Variants in HEATR5B observed in about 807,000 individuals in gnomAD.
The protein encoded by HEATR5B is HEAT repeat-containing protein 5B.
Under a neutral mutation model 224.1 loss-of-function variants are expected in HEATR5B, and 156 were observed. The ratio of observed to expected loss-of-function variants is 0.70; its 90% CI spans 0.61 to 0.80. The LOEUF (loss-of-function observed/expected upper bound fraction) is 0.80, where lower values mean the gene tolerates loss of function less well. Among genes scored for constraint, HEATR5B ranks in the 30% least tolerant of loss-of-function variants. The pLI is 0.00. For synonymous variants in HEATR5B, 1,027 were observed against 893.0 expected (o/e 1.15, Z -2.68); for missense variants, 2,323 against 2,535.5 (o/e 0.92, Z 1.80).
chr2:37,019,809 C>T lies in HEATR5B; in HGVS notation c.4104G>A (p.Gln1368=). ...TACAAAGTCCCATTTTTCTTCTTACCTGGCAAGCTTTCGCTATTATATCTG... is the reference window on the plus strand; with the variant it reads ...TACAAAGTCCCATTTTTCTTCTTACTTGGCAAGCTTTCGCTATTATATCTG... ...TPSDIIAKAC[Q]VCSTWIGSGV... The change falls in exon 26 of 36, where the codon CAG becomes CAA. Residue 1368 remains glutamine, a splice_region_variant and synonymous_variant. Transcript: ENST00000233099. The T allele has an allele frequency of 3.1e-6, 5 of 1,599,504 alleles. No homozygotes were observed. The highest frequency in any genetic ancestry group is 4.3e-6 in the Non-Finnish European group (5 of 1,168,744).
At chr2:37,009,780 C>CTCT (rs1558726289) in intron 27 of HEATR5B, among the ~76,000 whole-genome samples, 1 of 133,034 alleles carries the variant, frequency 7.5e-6, no homozygotes, top group Non-Finnish European at 1.6e-5. Context: ...CCCGCCTCCA[C>CTCT]TTTTTTTTTT....
At chr2:37,008,429 C>G in intron 28 of HEATR5B, 182 bp downstream of exon 28, 1 of 604,146 alleles carries the variant, frequency 1.7e-6, no homozygotes, top group Non-Finnish European at 2.9e-6. Context: ...CAAAAAAGCT[C>G]TATATCTTCT....
At chr2:37,052,396 T>A (rs748826818) in intron 17 of HEATR5B, among the ~76,000 whole-genome samples, 2 of 152,198 alleles carry the variant, frequency 1.3e-5, no homozygotes, top group Non-Finnish European at 2.9e-5. Context: ...ACAAACTTAA[T>A]GCCTTTTCAA....
chr2:37,028,151 T>A lies in HEATR5B; in HGVS notation c.3625A>T (p.Ser1209Cys). The change falls in exon 24 of 36, where the codon AGT becomes TGT. Residue 1209 changes from serine to cysteine, a missense_variant. Ser to Cys is a moderately radical substitution (Grantham distance 112). Around this residue, in one of 12 missense-constraint regions of HEATR5B, gnomAD observed 339 missense variants for 378.4 expected, o/e 0.90. Coordinates refer to ENST00000233099, the MANE Select transcript of HEATR5B (RefSeq NM_019024.3). ...SSDMSTATLL[S>C]SGKDEEAEKK... ...TCAGCTTCTTCATCTTTTCCACTAC[T>A]TAAGAGAGTTGCAGTACTCATATCT... 1.2e-6 allele frequency: 2 copies of A among 1,606,988 alleles called. No homozygotes were observed. The highest frequency in any genetic ancestry group is 1.7e-6 in the Non-Finnish European group (2 of 1,173,526).
chr2:37,026,555 C>T, intron 24 of HEATR5B, among the ~76,000 whole-genome samples: 1 of 152,190 alleles, frequency 6.6e-6, no homozygotes, highest in East Asian at 1.9e-4. Context: ...TAACATACTA[C>T]TACTGGGACA....
At chr2:37,055,587 A>G (rs1035387632) in intron 16 of HEATR5B, among the ~76,000 whole-genome samples, 6 of 152,344 alleles carry the variant, frequency 3.9e-5, no homozygotes, top group Admixed American at 2.0e-4. Context: ...CCTCAAATTA[A>G]AAAGCAATTA....
In HEATR5B at chr2:36,988,552, G is replaced by C. The variant is rs376781638; in HGVS notation, c.5911+94C>G. ...TGGGACTCCCAAAGTGTAAGCCACT[G>C]CGCCCAGCAGGCCTGTTTCTAATAT... is the stretch of plus-strand genomic sequence containing the variant. On this transcript the variant is annotated intron_variant, in intron 35 of 35. Coordinates refer to ENST00000233099, the MANE Select transcript of HEATR5B (RefSeq NM_019024.3). 3.1e-5 allele frequency: 34 copies of C among 1,089,080 alleles called. No homozygotes were observed. In the African/African-American group the frequency reaches 4.1e-4, roughly 13 times the overall value. 67.5% of individuals were successfully genotyped at this position (1,089,080 alleles called of 1,614,324 possible). A position where few individuals can be genotyped will look rare whatever the true frequency, so the allele number is the denominator to read the frequency against.
In HEATR5B at chr2:37,062,040, C is replaced by T. The variant is rs1671312745; in HGVS notation, c.1595G>A (p.Ser532Asn). 1 of 1,599,212 alleles carries T rather than the reference C, an allele frequency of 6.3e-7. No individual in the cohort carries two copies. Among genetic ancestry groups the T allele is most frequent in the Non-Finnish European group, 8.6e-7 (1 of 1,166,736 alleles). The change falls in exon 11 of 36, where the codon AGT becomes AAT. Residue 532 changes from serine (S) to asparagine (N), a missense_variant. By Grantham distance (46) the Ser-to-Asn change is conservative. Coordinates refer to ENST00000233099, the MANE Select transcript of HEATR5B (RefSeq NM_019024.3). ...IPHAKGKMVV[S>N]IAEDLLRTAA... Reference sequence around the variant, plus strand: ...AGTTCGTAAAAGATCTTCAGCAATACTAACTACCATCTGCAAGAAAAGTTT... The same window carrying T: ...AGTTCGTAAAAGATCTTCAGCAATATTAACTACCATCTGCAAGAAAAGTTT...
In HEATR5B at chr2:37,000,654, C is replaced by A. The variant is rs62621396; in HGVS notation, c.5477G>T (p.Gly1826Val). The change falls in exon 33 of 36, where the codon GGC becomes GTC. Residue 1826 changes from glycine to valine, a missense_variant. By Grantham distance (109) the Gly-to-Val change is moderately radical. Coordinates refer to ENST00000233099, the MANE Select transcript of HEATR5B (RefSeq NM_019024.3). ...VTLSMAKTEA[G>V]VQKQWTALIR... ...CAGAGCTGTCCACTGTTTTTGAACG[C>A]CAGCCTCAGTTTTGGCCATTGAAAG... 6.2e-7 allele frequency: 1 copy of A among 1,613,846 alleles called. No homozygotes were observed.
At chr2:36,998,370 C>A (rs1016460604) in intron 33 of HEATR5B, among the ~76,000 whole-genome samples, 1 of 152,062 alleles carries the variant, frequency 6.6e-6, no homozygotes, top group Non-Finnish European at 1.5e-5. Flanking sequence ...TTACCAAACA[C>A]AGCAAAATTA....
chr2:36,981,994 A>G (rs1332786954), intron 35 of HEATR5B, among the ~76,000 whole-genome samples, 200 bp from the exon 36 acceptor site: 1 of 151,670 alleles, frequency 6.6e-6, no homozygotes, highest in Non-Finnish European at 1.5e-5. Flanking sequence ...TTAATATTGT[A>G]TATTTTACAT....
At chr2:37,079,483 A>T (rs926218815) in intron 2 of HEATR5B, 152 bp from the exon 3 acceptor site, 1 of 519,366 alleles carries the variant, frequency 1.9e-6, no homozygotes, top group African/African-American at 2.0e-5. Flanking sequence ...CAAGTTAATG[A>T]AAAGTTCTGT....
chr2:37,058,292 A>G (rs1671038079), intron 14 of HEATR5B, among the ~76,000 whole-genome samples, 159 bp downstream of exon 14: 1 of 152,210 alleles, frequency 6.6e-6, no homozygotes, highest in Non-Finnish European at 1.5e-5. Context: ...AGAACACAGT[A>G]AGGAGTCAAC....
chr2:37,068,625 T>C, intron 8 of HEATR5B, 56 bp downstream of exon 8: 2 of 1,554,406 alleles, frequency 1.3e-6, no homozygotes, highest in South Asian at 1.2e-5. Context: ...TTAAGAATCA[T>C]AATAAAGAAC....
intron 18 of HEATR5B, among the ~76,000 whole-genome samples, chr2:37,044,262 C>G (rs1223480110): frequency 1.3e-5 from 2 of 152,188 alleles, no homozygotes; most frequent in Non-Finnish European, 2.9e-5. Flanking sequence ...TGCCTTAGGT[C>G]CCTTTGTTGT....
At position 37,069,477 on chromosome 2, in the gene HEATR5B, T is replaced by C. The variant is rs369121327; in HGVS notation, c.928-547A>G. ...ATTCCGTGTTATTTTGAAATTATAA[T>C]TCCAAGTCAGATATAATCTTATAAT... On this transcript the variant is annotated intron_variant, in intron 7 of 35. Transcript: ENST00000233099. 1.9e-4 allele frequency among the ~76,000 whole-genome samples: 29 copies of C among 152,346 alleles called. No individual in the cohort carries two copies. The East Asian group carries it at 2.7e-3, about 14-fold the overall frequency.
chr2:37,040,454 A>G lies in HEATR5B; in HGVS notation c.2921T>C (p.Val974Ala), dbSNP rs112898683. 6.2e-7 allele frequency: 1 copy of G among 1,614,072 alleles called. No individual in the cohort carries two copies. The highest frequency in any genetic ancestry group is 8.5e-7 in the Non-Finnish European group (1 of 1,179,952). ...AAGAACTAGAGATAATGTTGGTTCC[A>G]CATAGCCACGATACATCGGACCACT... The part of the protein sequence containing the change: ...DSSGPMYRGY[V>A]EPTLSLVLTL... The change falls in exon 20 of 36, where the codon GTG becomes GCG. Residue 974 changes from valine (V) to alanine (A), a missense_variant. By Grantham distance (64) the Val-to-Ala change is moderately conservative (BLOSUM62 0). This residue lies in a region of HEATR5B where 44 missense variants were observed against 39.0 expected (regional missense o/e 1.13). Transcript: ENST00000233099.
At chr2:37,044,320 C>A (rs1474810678) in intron 18 of HEATR5B, among the ~76,000 whole-genome samples, 1 of 152,184 alleles carries the variant, frequency 6.6e-6, no homozygotes, top group Non-Finnish European at 1.5e-5. Context: ...TGTCTTCTAT[C>A]ATTATAGTTT....
At chr2:37,064,154 A>G (rs1671448194) in intron 10 of HEATR5B, among the ~76,000 whole-genome samples, 1 of 152,200 alleles carries the variant, frequency 6.6e-6, no homozygotes, top group Admixed American at 6.5e-5. Context: ...AAACATTATC[A>G]AAATGCTAAA....
Sources: gnomAD v4.1 joint callset for allele counts (sites outside exome capture counted in the v4.1 genomes callset) on GRCh38, gnomAD v4.1.1 for gene constraint, gnomAD v4.1.1 regional missense constraint, MANE v1.5 for transcripts, NCBI Gene and HGNC (gene_info 2026-07-23, HGNC 2026-07-21) for gene names.